The following KDM6A variants were observed in gnomAD, a reference collection of about 807,000 sequenced individuals.
KDM6A encodes the protein lysine-specific demethylase 6A.
In KDM6A, 11 loss-of-function variants were observed where a neutral mutation model predicts 117.6. The ratio of observed to expected loss-of-function variants is 0.09; its 90% confidence interval spans 0.06 to 0.15. KDM6A has a LOEUF of 0.15. KDM6A is among the 10% of genes least tolerant of loss of function. KDM6A has a pLI of 1.00. For missense variants in KDM6A, 799 were observed against 1,077.3 expected (o/e 0.74, Z 3.62); for synonymous variants, 384 against 396.1 (o/e 0.97, Z 0.36).
intron 7 of KDM6A, among the ~76,000 whole-genome samples, chrX:45,035,306 T>C (rs6611059): frequency 8.9e-6 from 1 of 112,133 alleles, no homozygotes; most frequent in East Asian, 2.8e-4. Context: ...GCTGGTCTTT[T>C]AGGAAACATG....
intron 13 of KDM6A, 109 bp downstream of exon 13, chrX:45,060,265 G>A: frequency 1.8e-6 from 2 of 1,121,187 alleles, no homozygotes; most frequent in Non-Finnish European, 2.4e-6. Flanking sequence ...GTAATGAAAA[G>A]CCTTTTGATT....
intron 18 of KDM6A, among the ~76,000 whole-genome samples, chrX:45,075,022 A>G (rs774536051): frequency 4.5e-5 from 5 of 111,664 alleles, no homozygotes; most frequent in African/African-American, 1.6e-4. Context: ...TGTATAGCAC[A>G]GTTTTAATAC....
intron 2 of KDM6A, among the ~76,000 whole-genome samples, chrX:44,957,012 T>A (rs1459228713): frequency 1.8e-5 from 2 of 109,857 alleles, no homozygotes; most frequent in African/African-American, 3.3e-5. Flanking sequence ...TGCCTATAAT[T>A]CCAGCTACCT....
chrX:45,076,959 C>G, intron 19 of KDM6A, 133 bp downstream of exon 19: 2 of 528,938 alleles, frequency 3.8e-6, no homozygotes, highest in Admixed American at 3.4e-5. Context: ...AGTTTGGGGG[C>G]GGGGGGGAAG....
chrX:45,074,881 G>C (rs1388766395), intron 18 of KDM6A, among the ~76,000 whole-genome samples: 3 of 111,525 alleles, frequency 2.7e-5, no homozygotes, highest in Admixed American at 9.5e-5. Flanking sequence ...AATTGTTACA[G>C]ATCTGTGTAA....
chrX:45,010,824 G>T, intron 4 of KDM6A, 137 bp from the exon 5 acceptor site: 1 of 454,331 alleles, frequency 2.2e-6, no homozygotes, highest in Non-Finnish European at 3.8e-6. Flanking sequence ...TGTTATTTTG[G>T]TGTTTTAAAA....
At chrX:44,958,234 G>A (rs1279513882) in intron 2 of KDM6A, among the ~76,000 whole-genome samples, 1 of 104,534 alleles carries the variant, frequency 9.6e-6, no homozygotes. Context: ...CATGGCTGGA[G>A]TGCAGTGGCG....
At chrX:45,089,292 C>T (rs775107697) in intron 25 of KDM6A, among the ~76,000 whole-genome samples, 2 of 110,881 alleles carry the variant, frequency 1.8e-5, no homozygotes, top group South Asian at 7.6e-4. Flanking sequence ...TTTGGGAGGC[C>T]GAAGCAGGCG....
At chrX:44,980,065 T>TCTGTCGCCTA (rs2039820448) in intron 4 of KDM6A, among the ~76,000 whole-genome samples, 1 of 105,490 alleles carries the variant, frequency 9.5e-6, no homozygotes, top group Non-Finnish European at 1.9e-5. Flanking sequence ...GGCACGATCT[T>TCTGTCGCCTA]GGCTCACTGC....
intron 5 of KDM6A, among the ~76,000 whole-genome samples, chrX:45,014,226 ATTAG>A (rs1165651010): frequency 1.8e-5 from 2 of 112,293 alleles, no homozygotes; most frequent in African/African-American, 3.2e-5. Context: ...GAGCAATTTT[ATTAG>A]TTATAGTGTT....
intron 4 of KDM6A, among the ~76,000 whole-genome samples, chrX:44,993,062 T>G (rs1306300371): frequency 8.9e-6 from 1 of 111,904 alleles, no homozygotes. Context: ...GATTGCTGAC[T>G]AAAAACTTTT....
chrX:45,016,444 GATTTT>G (rs1393760872), intron 5 of KDM6A, among the ~76,000 whole-genome samples: 1 of 104,211 alleles, frequency 9.6e-6, no homozygotes, highest in South Asian at 4.3e-4. Context: ...AAGTTTTATT[GATTTT>G]ATTTTATGTA....
chrX:44,910,765 A>G (rs1372647991), intron 2 of KDM6A, among the ~76,000 whole-genome samples: 2 of 110,792 alleles, frequency 1.8e-5, no homozygotes, highest in African/African-American at 6.6e-5. Context: ...ACCTTAATCC[A>G]TTTAACCCTG....
chrX:45,040,542 AG>A (rs2043075950), intron 8 of KDM6A, among the ~76,000 whole-genome samples: 1 of 33,037 alleles, frequency 3.0e-5, no homozygotes, highest in African/African-American at 1.2e-4. Context: ...GGCCGGGCAG[AG>A]GGGCTCCTCA....
At chrX:45,094,929 T>C (rs1428486201) in intron 27 of KDM6A, among the ~76,000 whole-genome samples, 1 of 111,496 alleles carries the variant, frequency 9.0e-6, no homozygotes, top group African/African-American at 3.3e-5. Context: ...AAGCCAATTA[T>C]GCTTTGTGTA....
At chrX:45,071,395 A>G (rs1420540165) in intron 18 of KDM6A, among the ~76,000 whole-genome samples, 1 of 111,204 alleles carries the variant, frequency 9.0e-6, no homozygotes, top group Non-Finnish European at 1.9e-5. Context: ...AGCCATATAA[A>G]CCTCTTCCTG....
intron 2 of KDM6A, among the ~76,000 whole-genome samples, chrX:44,899,224 C>CGTGT (rs572085670): frequency 0.048 from 2,365 of 49,227 alleles, 64 homozygotes; most frequent in African/African-American, 0.068. Flanking sequence ...TGTGTGTATG[C>CGTGT]GTGTGTGTGT....
At chrX:44,956,186 A>G (rs2038312798) in intron 2 of KDM6A, among the ~76,000 whole-genome samples, 1 of 111,749 alleles carries the variant, frequency 8.9e-6, no homozygotes, top group African/African-American at 3.3e-5. Flanking sequence ...TTCATATGAC[A>G]GTTTCCACAT....
chrX:45,013,596 T>C (rs1057137373), intron 5 of KDM6A, among the ~76,000 whole-genome samples: 1 of 112,040 alleles, frequency 8.9e-6, no homozygotes, highest in African/African-American at 3.2e-5. Context: ...CTGAATGATA[T>C]AAGGACAATG....
Sources: allele counts gnomAD v4.1 joint callset (sites outside exome capture counted in the v4.1 genomes callset), GRCh38; gene constraint gnomAD v4.1.1; transcripts MANE v1.5; gene names NCBI Gene and HGNC (gene_info 2026-07-23, HGNC 2026-07-21).